CTNND2: variants seen among roughly 807,000 people sequenced by gnomAD.
CTNND2 encodes catenin delta-2.
CTNND2 carries 22 observed loss-of-function variants against 144.4 expected under a neutral mutation model. The observed-to-expected ratio is 0.15, with a 90% confidence interval of 0.11 to 0.22. CTNND2 has a LOEUF of 0.22. CTNND2 is among the 10% of genes least tolerant of loss of function. CTNND2 has a pLI of 1.00. For missense variants in CTNND2, 1,353 were observed against 1,618.8 expected, an observed-to-expected ratio of 0.84 and a Z score of 2.82; for synonymous variants, 751 against 695.6, an observed-to-expected ratio of 1.08 and a Z score of -1.25.
At chr5:11,480,644 ATATGTGTG>A (rs922002360) in intron 3 of CTNND2, among the ~76,000 whole-genome samples, 3 of 138,136 alleles carry the variant, frequency 2.2e-5, no homozygotes, top group South Asian at 2.2e-4. Context: ...GAAAATACAT[ATATGTGTG>A]TGTGTGTGTG....
At chr5:11,172,369 A>T (rs540360797) in intron 11 of CTNND2, among the ~76,000 whole-genome samples, 1 of 152,356 alleles carries the variant, frequency 6.6e-6, no homozygotes, top group South Asian at 2.1e-4. Flanking sequence ...TGAGATCTTC[A>T]TACTTTAGCC....
chr5:11,162,216 T>A (rs770048077), intron 11 of CTNND2, among the ~76,000 whole-genome samples: 9 of 152,228 alleles, frequency 5.9e-5, no homozygotes, highest in African/African-American at 2.2e-4. Context: ...TTTTTTTACA[T>A]GCAGTGAGTA....
chr5:11,554,554 A>G (rs1433211911), intron 3 of CTNND2, among the ~76,000 whole-genome samples: 2 of 152,114 alleles, frequency 1.3e-5, no homozygotes, highest in African/African-American at 4.8e-5. Context: ...AAACAATAAG[A>G]CTTTAAAGGG....
chr5:11,815,346 G>C (rs1792564302), intron 1 of CTNND2, among the ~76,000 whole-genome samples: 1 of 152,140 alleles, frequency 6.6e-6, no homozygotes, highest in Non-Finnish European at 1.5e-5. Context: ...AGAAAATACT[G>C]TCATAATTAT....
At chr5:11,451,573 G>A (rs1378102728) in intron 3 of CTNND2, among the ~76,000 whole-genome samples, 1 of 152,164 alleles carries the variant, frequency 6.6e-6, no homozygotes, top group Non-Finnish European at 1.5e-5. Flanking sequence ...TAAGTATAGT[G>A]TCAATATTCC....
chr5:11,268,311 G>A (rs911347203), intron 9 of CTNND2, among the ~76,000 whole-genome samples: 9 of 152,144 alleles, frequency 5.9e-5, no homozygotes, highest in African/African-American at 2.2e-4. Flanking sequence ...GCCCAGGCAC[G>A]GTAGCTCATG....
intron 10 of CTNND2, among the ~76,000 whole-genome samples, chr5:11,203,612 C>T (rs1334264331): frequency 6.6e-6 from 1 of 151,744 alleles, no homozygotes; most frequent in Non-Finnish European, 1.5e-5. Flanking sequence ...TAGGCTCAAG[C>T]GATTTATCCG....
intron 15 of CTNND2, among the ~76,000 whole-genome samples, chr5:11,089,991 A>G (rs1192454694): frequency 1.3e-5 from 2 of 152,218 alleles, no homozygotes; most frequent in Non-Finnish European, 2.9e-5. Context: ...CCTGGGTGAC[A>G]GAACGAAACT....
chr5:11,677,952 G>A (rs921465002), intron 2 of CTNND2, among the ~76,000 whole-genome samples: 1 of 152,054 alleles, frequency 6.6e-6, no homozygotes, highest in African/African-American at 2.4e-5. Context: ...ATTTTCTACT[G>A]GGCCAAAAAT....
intron 3 of CTNND2, among the ~76,000 whole-genome samples, chr5:11,526,438 G>A (rs1439348364): frequency 6.6e-6 from 1 of 152,140 alleles, no homozygotes; most frequent in Non-Finnish European, 1.5e-5. Flanking sequence ...GACGTTAAGT[G>A]TGCACCTGCT....
intron 18 of CTNND2, among the ~76,000 whole-genome samples, chr5:10,999,958 C>T (rs1353152603): frequency 5.9e-5 from 9 of 152,208 alleles, no homozygotes; most frequent in Admixed American, 5.2e-4. Flanking sequence ...TGTTCATCCC[C>T]ACAGCCCCAC....
At chr5:11,016,678 C>T (rs1295934933) in intron 18 of CTNND2, among the ~76,000 whole-genome samples, 5 of 152,174 alleles carry the variant, frequency 3.3e-5, no homozygotes, top group Non-Finnish European at 7.3e-5. Context: ...AGCCCAGGCA[C>T]CCTTCTGTAG....
In CTNND2 at chr5:11,020,759, A is replaced by G. The variant is rs143216743; in HGVS notation, c.2999+2010T>C. Among the ~76,000 whole-genome samples, 14 of 140,788 alleles carry G rather than the reference A, an allele frequency of 9.9e-5. No homozygotes were observed. The East Asian group carries it at 3.7e-3, about 37-fold the overall frequency. 92.4% of individuals were successfully genotyped at this position (140,788 alleles called of 152,430 possible). On this transcript the variant is annotated intron_variant, in intron 17 of 21. Coordinates refer to ENST00000304623, the MANE Select transcript of CTNND2 (RefSeq NM_001332.4). ...ATATATAAAAAAAGAGATAAGCTACATGAAACAGTGAATGAGACTGACTAA... is the reference window on the plus strand; with the variant it reads ...ATATATAAAAAAAGAGATAAGCTACGTGAAACAGTGAATGAGACTGACTAA...
At chr5:11,779,060 C>G (rs750257673) in intron 1 of CTNND2, among the ~76,000 whole-genome samples, 1 of 152,142 alleles carries the variant, frequency 6.6e-6, no homozygotes, top group Non-Finnish European at 1.5e-5. Context: ...GCATGACAGG[C>G]CTTTTTTGGG....
At chr5:11,529,518 G>T (rs1218219550) in intron 3 of CTNND2, among the ~76,000 whole-genome samples, 1 of 152,028 alleles carries the variant, frequency 6.6e-6, no homozygotes, top group Non-Finnish European at 1.5e-5. Flanking sequence ...AAAAACTCAC[G>T]GGAAAAAAAA....
At chr5:11,359,037 T>C (rs936238643) in intron 8 of CTNND2, among the ~76,000 whole-genome samples, 4 of 152,218 alleles carry the variant, frequency 2.6e-5, no homozygotes, top group African/African-American at 9.6e-5. Context: ...CAGAGTCAAG[T>C]GTTTGTGTTG....
At chr5:11,503,716 T>C (rs921023816) in intron 3 of CTNND2, among the ~76,000 whole-genome samples, 1 of 152,226 alleles carries the variant, frequency 6.6e-6, no homozygotes, top group African/African-American at 2.4e-5. Context: ...AATTTTGCCA[T>C]TGGATTGAGC....
chr5:11,457,211 G>A (rs1479784787), intron 3 of CTNND2, among the ~76,000 whole-genome samples: 1 of 152,030 alleles, frequency 6.6e-6, no homozygotes, highest in Non-Finnish European at 1.5e-5. Flanking sequence ...AGACCAGCCT[G>A]GGCAACATAG....
intron 3 of CTNND2, among the ~76,000 whole-genome samples, chr5:11,456,953 A>G (rs1765784279): frequency 6.6e-6 from 1 of 152,222 alleles, no homozygotes; most frequent in Non-Finnish European, 1.5e-5. Context: ...ATTGTACTAA[A>G]TTGTCTAAAC....
Sources: gnomAD v4.1 joint callset for allele counts (sites outside exome capture counted in the v4.1 genomes callset) on GRCh38, gnomAD v4.1.1 for gene constraint, MANE v1.5 for transcripts, NCBI Gene and HGNC (gene_info 2026-07-23, HGNC 2026-07-21) for gene names.